The following AOX1 variants were observed in gnomAD, a reference collection of about 807,000 sequenced individuals.
The protein encoded by AOX1 is aldehyde oxidase 1, also known as aldehyde oxidase.
A neutral mutation model predicts 169.5 loss-of-function variants in AOX1; 153 were observed. The observed-to-expected ratio is 0.90, with a 90% CI of 0.79 to 1.03. The LOEUF is 1.03. Ranked by LOEUF, AOX1 falls within the 50% of genes least tolerant of loss-of-function variation. The pLI, the probability that AOX1 is intolerant of heterozygous loss-of-function variation, is 0.00. For synonymous variants in AOX1, 562 were observed against 581.9 expected (o/e 0.97, Z 0.49); for missense variants, 1,656 against 1,663.9 (o/e 1.00, Z 0.08).
At chr2:200,637,568 T>G (rs1431277880) in intron 22 of AOX1, among the ~76,000 whole-genome samples, 1 of 152,098 alleles carries the variant, frequency 6.6e-6, no homozygotes, top group Non-Finnish European at 1.5e-5. Flanking sequence ...TATACATATA[T>G]GTACATATAC....
intron 1 of AOX1, among the ~76,000 whole-genome samples, chr2:200,588,706 A>G (rs2034094514): frequency 7.9e-6 from 1 of 126,046 alleles, no homozygotes; most frequent in South Asian, 2.5e-4. Context: ...GATTACTTAC[A>G]TGGAAAGAAC....
chr2:200,669,450 CAAAAA>C, intron 33 of AOX1, 120 bp from the exon 34 acceptor site: 3 of 881,930 alleles, frequency 3.4e-6, no homozygotes, highest in Non-Finnish European at 4.9e-6. Context: ...GACTCTGTCT[CAAAAA>C]AAAAAAAATG....
At chr2:200,587,282 T>C (rs1327385145) in intron 1 of AOX1, among the ~76,000 whole-genome samples, 1 of 152,162 alleles carries the variant, frequency 6.6e-6, no homozygotes, top group Admixed American at 6.5e-5. Context: ...AGTGAGATCC[T>C]ATTTCTTAAA....
intron 5 of AOX1, among the ~76,000 whole-genome samples, chr2:200,601,262 A>G (rs1013511946): frequency 2.6e-5 from 4 of 152,162 alleles, no homozygotes; most frequent in African/African-American, 4.8e-5. Flanking sequence ...AAAGTAGTCA[A>G]ACTCACAGAA....
chr2:200,595,037 G>A (rs562014155), intron 2 of AOX1, among the ~76,000 whole-genome samples: 54 of 152,050 alleles, frequency 3.6e-4, no homozygotes, highest in Non-Finnish European at 5.4e-4. Context: ...GCAACCTGAC[G>A]TCCAGTTGTT....
At chr2:200,610,484 G>T (rs1359528533) in intron 12 of AOX1, among the ~76,000 whole-genome samples, 1 of 152,180 alleles carries the variant, frequency 6.6e-6, no homozygotes, top group Non-Finnish European at 1.5e-5. Flanking sequence ...GACATCAAAA[G>T]CTTCTTAGCT....
rs571908144 is a variant in AOX1, at chr2:200,601,126, C to A, written c.437-1158C>A. 1.9e-3 allele frequency among the ~76,000 whole-genome samples: 226 copies of A among 121,246 alleles called. No homozygotes were observed. The Middle Eastern group carries it at 0.024, about 13-fold the overall frequency. 79.5% of individuals were successfully genotyped at this position (121,246 alleles called of 152,430 possible). A position where few individuals can be genotyped will look rare whatever the true frequency, so the allele number is the denominator to read the frequency against. On this transcript the variant is annotated intron_variant, in intron 5 of 34. Coordinates refer to ENST00000374700, the MANE Select transcript of AOX1 (RefSeq NM_001159.4). ...AGTGTTAAGAATGAGGGGTTTTTTCCTTAGAAAAAGAAGTATAGCTTGCTA... is the reference window on the plus strand; with the variant it reads ...AGTGTTAAGAATGAGGGGTTTTTTCATTAGAAAAAGAAGTATAGCTTGCTA...
chr2:200,642,883 ATT>A (rs2035381641), intron 25 of AOX1, 82 bp downstream of exon 25: 1 of 1,371,240 alleles, frequency 7.3e-7, no homozygotes, highest in Non-Finnish European at 1.0e-6. Context: ...AGGTTGAGGA[ATT>A]TGAGACCCAG....
At chr2:200,605,762 T>C (rs991816938) in intron 10 of AOX1, 134 bp downstream of exon 10, 4 of 437,760 alleles carry the variant, frequency 9.1e-6, no homozygotes, top group African/African-American at 8.1e-5. Context: ...AAGAATGATA[T>C]GTTTGTTGGC....
At chr2:200,657,749 G>A (rs1203875260) in intron 27 of AOX1, among the ~76,000 whole-genome samples, 1 of 151,998 alleles carries the variant, frequency 6.6e-6, no homozygotes, top group Admixed American at 6.6e-5. Flanking sequence ...TTAAGCTACT[G>A]TTTCTCTTTT....
intron 27 of AOX1, among the ~76,000 whole-genome samples, chr2:200,657,165 A>AAAAAAAAAAAAATATATAT (rs1179205121): frequency 1.1e-5 from 1 of 88,404 alleles, no homozygotes; most frequent in Non-Finnish European, 2.0e-5. Flanking sequence ...CTCTACCAAA[A>AAAAAAAAAAAAATATATAT]ATATATATAT....
At chr2:200,680,776 C>CTCAGGTGATCCAACTGCTGAT (rs2036145869), downstream of AOX1, among the ~76,000 whole-genome samples, 1 of 151,804 alleles carries the variant, frequency 6.6e-6, no homozygotes, top group Non-Finnish European at 1.5e-5. Context: ...AAACTCCTGA[C>CTCAGGTGATCCAACTGCTGAT]CTCAGGTGAT....
At chr2:200,644,894 T>C (rs1461510788) in intron 25 of AOX1, among the ~76,000 whole-genome samples, 1 of 152,230 alleles carries the variant, frequency 6.6e-6, no homozygotes, top group Non-Finnish European at 1.5e-5. Flanking sequence ...TACATTAGTC[T>C]TGTATCCGGA....
At chr2:200,597,611 C>A in intron 4 of AOX1, 106 bp downstream of exon 4, 3 of 628,662 alleles carry the variant, frequency 4.8e-6, no homozygotes, top group Non-Finnish European at 7.8e-6. Context: ...GCTGGCTCGG[C>A]CACTCCAACA....
chr2:200,609,985 G>A (rs2034601141), intron 12 of AOX1, among the ~76,000 whole-genome samples: 1 of 151,842 alleles, frequency 6.6e-6, no homozygotes, highest in Admixed American at 6.6e-5. Context: ...TAAATTTGTG[G>A]GGTTTTTTTT....
intron 4 of AOX1, among the ~76,000 whole-genome samples, chr2:200,598,049 A>C (rs1247330929): frequency 6.6e-6 from 1 of 152,038 alleles, no homozygotes. Flanking sequence ...TTGAGGCTGC[A>C]GTAAACCATG....
chr2:200,642,472 TGGG>T, intron 24 of AOX1, 135 bp from the exon 25 acceptor site: 1 of 586,090 alleles, frequency 1.7e-6, no homozygotes. Context: ...TGTGTTTAAT[TGGG>T]GGCATGGGAA....
rs1038409046 is a variant in AOX1, at chr2:200,659,895, C to T, written c.3301-100C>T. ...GTTGGTGTCTTATTTTTCCATGTTC[C>T]CTCTTAGATAAGCCTATGGAATGGT... On this transcript the variant is annotated intron_variant, in intron 28 of 34. Coordinates refer to ENST00000374700, the MANE Select transcript of AOX1 (RefSeq NM_001159.4). 4.5e-6 allele frequency: 4 copies of T among 895,996 alleles called. No homozygotes were observed. In the South Asian group the frequency reaches 4.6e-5, roughly 10 times the overall value. 55.5% of individuals were successfully genotyped at this position (895,996 alleles called of 1,614,324 possible).
At chr2:200,633,676 A>C (rs1306931766) in intron 20 of AOX1, among the ~76,000 whole-genome samples, 2 of 152,096 alleles carry the variant, frequency 1.3e-5, no homozygotes, top group Non-Finnish European at 2.9e-5. Flanking sequence ...GATAATTCTA[A>C]CATCTGTGTC....
Sources: gnomAD v4.1 joint callset for allele counts (sites outside exome capture counted in the v4.1 genomes callset) on GRCh38, gnomAD v4.1.1 for gene constraint, MANE v1.5 for transcripts, NCBI Gene and HGNC (gene_info 2026-07-23, HGNC 2026-07-21) for gene names.